The following COL6A1 variants were observed in gnomAD, a reference collection of about 807,000 sequenced individuals.
COL6A1 encodes collagen alpha-1(VI) chain.
A neutral mutation model predicts 145.6 loss-of-function variants in COL6A1; 80 were observed. The ratio of observed to expected loss-of-function variants is 0.55; its 90% CI spans 0.46 to 0.66. The LOEUF (loss-of-function observed/expected upper bound fraction) is 0.66, where lower values mean the gene tolerates loss of function less well. COL6A1 is among the 30% of genes least tolerant of loss of function. COL6A1 has a pLI of 0.00. For missense variants in COL6A1, 1,364 were observed against 1,473.8 expected, an observed-to-expected ratio of 0.93 and a Z score of 1.22; for synonymous variants, 638 against 622.8, an observed-to-expected ratio of 1.02 and a Z score of -0.36.
intron 33 of COL6A1, 53 bp from the exon 34 acceptor site, chr21:46,003,067 G>A (rs926856624): frequency 2.6e-5 from 42 of 1,613,582 alleles, no homozygotes; most frequent in African/African-American, 1.3e-4. Flanking sequence ...ATCTCCTTGC[G>A]GGGTTATAGG....
At position 45,987,623 on chromosome 21, in the gene COL6A1, C is replaced by T. The variant is rs1295528583; in HGVS notation, c.773C>T (p.Pro258Leu). ...TCTGCCTTGCAGCCTGCAAGAGGAC[C>T]TCCGGGGCTCCGGGGCGACCCCGGC... ...CSFECQPARG[P>L]PGLRGDPGFE... Residue 258 changes from proline (P) to leucine (L), a missense_variant, in exon 8 of 35, where the codon CCT becomes CTT. By Grantham distance (98) the Pro-to-Leu change is moderately conservative. Transcript: ENST00000361866. 2 of 1,611,200 alleles carry T rather than the reference C, an allele frequency of 1.2e-6. No individual in the cohort carries two copies. The highest frequency in any genetic ancestry group is 1.7e-6 in the Non-Finnish European group (2 of 1,179,362).
At position 46,004,629 on chromosome 21, in the gene COL6A1, C is replaced by T. The variant is rs767504841; in HGVS notation, c.*616C>T. 12 of 419,702 alleles carry T rather than the reference C, an allele frequency of 2.9e-5. No homozygotes were observed. The highest frequency in any genetic ancestry group is 7.5e-5 in the East Asian group (1 of 13,334). The allele number at this position is 419,702 out of a possible 1,614,324, so 26.0% of individuals were successfully genotyped here. The stretch of plus-strand genomic sequence containing the variant: ...TTTTGGGAAACCAAGGTCAGGAGGC[C>T]GTTGCAGACATAAATCTCGGCGACT... On this transcript the variant is annotated 3_prime_UTR_variant, in exon 35 of 35. Coordinates refer to ENST00000361866, the MANE Select transcript of COL6A1 (RefSeq NM_001848.3).
intron 4 of COL6A1, 30 bp downstream of exon 4, chr21:45,986,715 C>T (rs531559651): frequency 5.2e-6 from 8 of 1,540,400 alleles, no homozygotes; most frequent in East Asian, 4.9e-5. Context: ...GGCAGATGCC[C>T]CCAACCACAG....
intron 28 of COL6A1, 49 bp downstream of exon 28, chr21:46,000,416 G>C: frequency 6.2e-7 from 1 of 1,603,742 alleles, no homozygotes; most frequent in African/African-American, 1.3e-5. Context: ...AGGGCCGCCA[G>C]CCTGGCCTGT....
At chr21:45,992,239 C>T (rs1412127001) in intron 17 of COL6A1, 22 bp downstream of exon 17, 3 of 1,613,556 alleles carry the variant, frequency 1.9e-6, no homozygotes, top group Admixed American at 1.7e-5. Context: ...CTCCTGACAC[C>T]TTCCTGGGGA....
chr21:46,004,432 A>G lies in COL6A1; in HGVS notation c.*419A>G, dbSNP rs9254. ...CCTTCCCTAGGCACCTCTGTGCTGC[A>G]TCCCACCAGCCTGAGCAAGACGCCC... On this transcript the variant is annotated 3_prime_UTR_variant, in exon 35 of 35. Coordinates refer to ENST00000361866, the MANE Select transcript of COL6A1 (RefSeq NM_001848.3). 0.87 allele frequency: 277,568 copies of G among 320,292 alleles called. 120,739 individuals carry two copies. Among genetic ancestry groups the G allele is most frequent in the African/African-American group, 0.92 (42,420 of 46,068 alleles). 19.8% of individuals were successfully genotyped at this position (320,292 alleles called of 1,614,324 possible). A position where few individuals can be genotyped will look rare whatever the true frequency, so the allele number is the denominator to read the frequency against.
intron 28 of COL6A1, 143 bp downstream of exon 28, chr21:46,000,510 C>A: frequency 8.4e-7 from 1 of 1,187,068 alleles, no homozygotes; most frequent in South Asian, 1.3e-5. Flanking sequence ...CAGCCCCTAC[C>A]GGCCTCCAAA....
At position 45,994,390 on chromosome 21, in the gene COL6A1, G is replaced by T. The variant is rs2077793601; in HGVS notation, c.1398+161G>T. ...CCCTGCGTGGGAGCCGGCTGCAGGG[G>T]GTGAGGCGCGGCCTGGGCCGGGCTG... On this transcript the variant is annotated intron_variant, in intron 20 of 34. Transcript: ENST00000361866. The surrounding 1 kb of genome is among the most constrained non-coding windows in gnomAD (Gnocchi z 6.8). Among the ~76,000 whole-genome samples the T allele has an allele frequency of 6.6e-6, 1 of 152,190 alleles. No individual in the cohort carries two copies. The highest frequency in any genetic ancestry group is 6.5e-5 in the Admixed American group (1 of 15,292).
At position 46,004,104 on chromosome 21, in the gene COL6A1, C is replaced by A; in HGVS notation, c.*91C>A. ...AAAATGTGATGCGAATTTTCCCGAC[C>A]AACCTGATTCGCTAGATTTTTTTTA... is the stretch of plus-strand genomic sequence containing the variant. On this transcript the variant is annotated 3_prime_UTR_variant, in exon 35 of 35. Coordinates refer to ENST00000361866, the MANE Select transcript of COL6A1 (RefSeq NM_001848.3). 1.3e-6 allele frequency: 2 copies of A among 1,519,182 alleles called. No homozygotes were observed. The highest frequency in any genetic ancestry group is 1.8e-6 in the Non-Finnish European group (2 of 1,109,866). 94.1% of individuals were successfully genotyped at this position (1,519,182 alleles called of 1,614,324 possible).
Position 46,002,035 on chromosome 21 carries a change from C to G in COL6A1, c.2031C>G (p.Arg677=), listed in dbSNP as rs200331917. 1 of 1,612,520 alleles carries G rather than the reference C, an allele frequency of 6.2e-7. No homozygotes were observed. The highest frequency in any genetic ancestry group is 2.2e-5 in the East Asian group (1 of 44,862). Residue 677 remains arginine (R), a synonymous_variant, in exon 31 of 35, where the codon CGC becomes CGG. Transcript: ENST00000361866. The stretch of plus-strand genomic sequence containing the variant: ...AGATGCAGGAGCACGTGAGCCTGCG[C>G]AGCCCCAGCATCCGGAACGTGCAGG... ...HSQMQEHVSL[R]SPSIRNVQEL... is the part of the protein sequence containing the mutation.
chr21:46,002,812 C>T (rs1317323418), intron 33 of COL6A1, 102 bp downstream of exon 33: 1 of 1,375,644 alleles, frequency 7.3e-7, no homozygotes, highest in Non-Finnish European at 1.0e-6. Flanking sequence ...GCCGCCCGGG[C>T]AGTCCCAGAT....
rs1234457191 is a variant in COL6A1 at position 45,998,958 on chromosome 21, A to G, written c.1673A>G (p.Asp558Gly). 3.2e-6 allele frequency: 5 copies of G among 1,553,216 alleles called. No homozygotes were observed. The highest frequency in any genetic ancestry group is 4.4e-6 in the Non-Finnish European group (5 of 1,147,932). Residue 558 changes from aspartate to glycine, a missense_variant and splice_region_variant, in exon 25 of 35, where the codon GAT becomes GGT. Around this residue, in one of 3 missense-constraint regions of COL6A1, gnomAD observed 938 missense variants for 1,003.8 expected, o/e 0.93. Coordinates refer to ENST00000361866, the MANE Select transcript of COL6A1 (RefSeq NM_001848.3). ...GGAGAAGCCGGGGACCCCGGAGACG[A>G]TGTAAGTGTGGATGGGAGGCAGGGC... Reference protein sequence around the residue: ...DEGEAGDPGDDNNDIAPRGVK... With the variant: ...DEGEAGDPGDGNNDIAPRGVK...
intron 33 of COL6A1, 149 bp downstream of exon 33, chr21:46,002,859 C>T (rs2077856668): frequency 2.6e-6 from 3 of 1,171,712 alleles, no homozygotes; most frequent in East Asian, 2.6e-5. Flanking sequence ...AGGGCCGTCC[C>T]AGATCTGTGT....
rs117583870 is a variant in COL6A1 at position 46,002,988 on chromosome 21, C to T, written c.2435-132C>T. The T allele has an allele frequency of 6.2e-3, 8,407 of 1,362,024 alleles. 47 individuals carry two copies. The highest frequency in any genetic ancestry group is 7.1e-3 in the Non-Finnish European group (6,898 of 965,550). 84.4% of individuals were successfully genotyped at this position (1,362,024 alleles called of 1,614,324 possible). On this transcript the variant is annotated intron_variant, in intron 33 of 34. Coordinates refer to ENST00000361866, the MANE Select transcript of COL6A1 (RefSeq NM_001848.3). The stretch of plus-strand genomic sequence containing the variant: ...CCGCCTGGGGCTGTCCCACAGGCAT[C>T]CTCCTCCCGGCTCGCTGTGACTTCC...
In COL6A1 at chr21:45,999,225, G is replaced by A. The variant is rs2123484551; in HGVS notation, c.1740+7G>A. ...GGGTCCCGAGGGCCCCCAGGTGGGT[G>A]GATGTGGCTGGGTGAGGCCACGGTG... On this transcript the variant is annotated splice_region_variant and intron_variant, in intron 26 of 34. Transcript: ENST00000361866. 6.3e-7 allele frequency: 1 copy of A among 1,590,196 alleles called. No homozygotes were observed. Among genetic ancestry groups the A allele is most frequent in the East Asian group, 2.3e-5 (1 of 44,080 alleles).
rs149709694 is a variant in COL6A1, at chr21:45,989,395, G to T, written c.859-213G>T. On this transcript the variant is annotated intron_variant, in intron 9 of 34. Coordinates refer to ENST00000361866, the MANE Select transcript of COL6A1 (RefSeq NM_001848.3). ...GGTGCTCAGGCCGGCACCGTCCGGGGCCCCTGCCGTGGCTCCTTGGCCCAA... is the reference window on the plus strand; with the variant it reads ...GGTGCTCAGGCCGGCACCGTCCGGGTCCCCTGCCGTGGCTCCTTGGCCCAA... Among the ~76,000 whole-genome samples the T allele has an allele frequency of 0.014, 2,185 of 152,296 alleles. 56 individuals carry two copies. The highest frequency in any genetic ancestry group is 0.05 in the African/African-American group (2,083 of 41,566).
chr21:45,985,724 G>A (rs1222415719), intron 3 of COL6A1, among the ~76,000 whole-genome samples: 1 of 152,234 alleles, frequency 6.6e-6, no homozygotes, highest in African/African-American at 2.4e-5. Context: ...GGCGGTGCGG[G>A]GGGTTTGGGG....
At position 46,004,160 on chromosome 21, in the gene COL6A1, CTG is replaced by C; in HGVS notation, c.*148_*149del. On this transcript the variant is annotated 3_prime_UTR_variant, in exon 35 of 35. Transcript: ENST00000361866. Reference sequence around the variant, plus strand: ...AAGCTTGGAAAGCCAGGACACAACGCTGCTGCCTGCTTTGTGCAGGGTCCTCC... The same window carrying C: ...AAGCTTGGAAAGCCAGGACACAACGCCTGCCTGCTTTGTGCAGGGTCCTCC... The C allele has an allele frequency of 8.9e-7, 1 of 1,119,222 alleles. No individual in the cohort carries two copies. The highest frequency in any genetic ancestry group is 1.3e-6 in the Non-Finnish European group (1 of 784,804). 69.3% of individuals were successfully genotyped at this position (1,119,222 alleles called of 1,614,324 possible).
chr21:45,982,585 G>T (rs752517852), intron 1 of COL6A1, 49 bp from the exon 2 acceptor site: 4 of 1,611,218 alleles, frequency 2.5e-6, no homozygotes, highest in South Asian at 1.1e-5. Flanking sequence ...GCAGAGACTC[G>T]GGGAATGGGG....
Sources: allele counts gnomAD v4.1 joint callset (sites outside exome capture counted in the v4.1 genomes callset), GRCh38; gene constraint gnomAD v4.1.1; regional missense constraint gnomAD v4.1.1; non-coding constraint Gnocchi (gnomAD v3.1); transcripts MANE v1.5; gene names NCBI Gene and HGNC (gene_info 2026-07-23, HGNC 2026-07-21).